Variants in IBTK observed in about 807,000 individuals in gnomAD.
The protein encoded by IBTK is BTK-binding protein.
A neutral mutation model predicts 154.9 loss-of-function variants in IBTK; 83 were observed. The ratio of observed to expected loss-of-function variants is 0.54; its 90% CI spans 0.45 to 0.64. The LOEUF is 0.64. IBTK is among the 30% of genes least tolerant of loss of function. The probability of loss-of-function intolerance (pLI) is 0.00; values close to 1 mark genes in which losing one functional copy is unlikely to be tolerated. For missense variants in IBTK, 1,332 were observed against 1,584.6 expected, an observed-to-expected ratio of 0.84 and a Z score of 2.71; for synonymous variants, 515 against 536.1, an observed-to-expected ratio of 0.96 and a Z score of 0.54.
chr6:82,242,558 T>C (rs2127830696), intron 1 of IBTK, among the ~76,000 whole-genome samples: 1 of 152,264 alleles, frequency 6.6e-6, no homozygotes. Flanking sequence ...TACTAATACA[T>C]TCTGTAATTT....
intron 16 of IBTK, among the ~76,000 whole-genome samples, chr6:82,208,824 T>C (rs118002120): frequency 5.6e-4 from 85 of 152,094 alleles, no homozygotes; most frequent in Middle Eastern, 3.4e-3. Context: ...GGAGAGAAAA[T>C]ACTTGCAAAT....
chr6:82,237,653 ATAGTAGTGGTAG>A (rs1419313018), intron 2 of IBTK, among the ~76,000 whole-genome samples: 12 of 36,610 alleles, frequency 3.3e-4, no homozygotes, highest in East Asian at 0.01. Flanking sequence ...GTAGTAGAAG[ATAGTAGTGGTAG>A]TAGTAGTAGT....
In IBTK at chr6:82,171,717, A is replaced by T. The variant is rs145073081; in HGVS notation, c.3931-161T>A. Among the ~76,000 whole-genome samples, 463 of 152,330 alleles carry T rather than the reference A, an allele frequency of 3.0e-3. 2 individuals are homozygous for T. Among genetic ancestry groups the T allele is most frequent in the Non-Finnish European group, 5.0e-3 (340 of 68,026 alleles). ...TGCATTTTAAATCAGGTATCCTGCT[A>T]TCTCTGTGGCAAGGAGAAAGCTTGA... On this transcript the variant is annotated intron_variant, in intron 28 of 28. Transcript: ENST00000306270.
At chr6:82,224,000 AAAAAG>A (rs1290740773) in intron 7 of IBTK, 63 bp downstream of exon 7, 4 of 902,676 alleles carry the variant, frequency 4.4e-6, no homozygotes, top group Non-Finnish European at 7.1e-6. Flanking sequence ...AATAAAAATT[AAAAAG>A]AAAAGATAAT....
At chr6:82,209,742 A>G (rs1769555615) in intron 16 of IBTK, among the ~76,000 whole-genome samples, 1 of 152,238 alleles carries the variant, frequency 6.6e-6, no homozygotes, top group Admixed American at 6.5e-5. Context: ...TTTTAAAAAG[A>G]ATGAAAGTAG....
chr6:82,220,125 G>A (rs746339226), intron 9 of IBTK, among the ~76,000 whole-genome samples: 3 of 152,076 alleles, frequency 2.0e-5, no homozygotes, highest in South Asian at 2.1e-4. Flanking sequence ...CATGAGAATC[G>A]CCTGAACCCA....
intron 12 of IBTK, among the ~76,000 whole-genome samples, chr6:82,213,274 C>T (rs2127814481): frequency 6.6e-6 from 1 of 152,248 alleles, no homozygotes; most frequent in South Asian, 2.1e-4. Flanking sequence ...GGAGATCTGC[C>T]CACCTCAGCC....
chr6:82,233,280 T>A (rs1244937597), intron 3 of IBTK, among the ~76,000 whole-genome samples: 2 of 152,156 alleles, frequency 1.3e-5, no homozygotes, highest in African/African-American at 4.8e-5. Flanking sequence ...TGAGCCGTGT[T>A]CTTGCCACTG....
chr6:82,225,756 C>T lies in IBTK; in HGVS notation c.655-109G>A, dbSNP rs144464755. 9.1e-6 allele frequency: 7 copies of T among 769,764 alleles called. No individual in the cohort carries two copies. In the African/African-American group the frequency reaches 1.2e-4, roughly 14 times the overall value. The allele number at this position is 769,764 out of a possible 1,614,324, so 47.7% of individuals were successfully genotyped here. On this transcript the variant is annotated intron_variant, in intron 5 of 28. Transcript: ENST00000306270. ...ATGACATGAAATGACATGACTGATA[C>T]ATGGCTGTATCTATCATAGGTAAAT...
chr6:82,196,709 A>G lies in IBTK; in HGVS notation c.3026-263T>C, dbSNP rs1234266451. 3.3e-5 allele frequency among the ~76,000 whole-genome samples: 5 copies of G among 152,336 alleles called. No homozygotes were observed. In the East Asian group the frequency reaches 7.7e-4, roughly 23 times the overall value. On this transcript the variant is annotated intron_variant, in intron 21 of 28. Coordinates refer to ENST00000306270, the MANE Select transcript of IBTK (RefSeq NM_015525.4). ...CAATTGTGTAATGAACCTGAGGAAGATAGTTCTTTGGGATCTGCTCTAAAA... is the reference window on the plus strand; with the variant it reads ...CAATTGTGTAATGAACCTGAGGAAGGTAGTTCTTTGGGATCTGCTCTAAAA...
chr6:82,200,433 G>A (rs1769158764), intron 20 of IBTK, among the ~76,000 whole-genome samples, 154 bp downstream of exon 20: 1 of 151,962 alleles, frequency 6.6e-6, no homozygotes, highest in African/African-American at 2.4e-5. Context: ...TTAAGAATGA[G>A]CGTAACTACC....
At chr6:82,243,986 G>A (rs1248643973) in intron 1 of IBTK, among the ~76,000 whole-genome samples, 2 of 152,124 alleles carry the variant, frequency 1.3e-5, no homozygotes, top group Admixed American at 6.5e-5. Context: ...ACATGGAAGC[G>A]ATTAAGAGCT....
At chr6:82,218,872 C>A (rs1474722849) in intron 9 of IBTK, among the ~76,000 whole-genome samples, 1 of 152,144 alleles carries the variant, frequency 6.6e-6, no homozygotes, top group African/African-American at 2.4e-5. Context: ...GGTTATCTGA[C>A]AAGGTCGCTA....
chr6:82,201,390 T>G, intron 19 of IBTK, 32 bp downstream of exon 19: 1 of 1,520,850 alleles, frequency 6.6e-7, no homozygotes, highest in South Asian at 1.2e-5. Flanking sequence ...GGTAATATTA[T>G]AGCCGCGAAA....
In IBTK at chr6:82,200,609, T is replaced by C; in HGVS notation, c.2890A>G (p.Ile964Val). 6.4e-7 allele frequency: 1 copy of C among 1,574,584 alleles called. No individual in the cohort carries two copies. Among genetic ancestry groups the C allele is most frequent in the Non-Finnish European group, 8.6e-7 (1 of 1,165,976 alleles). Residue 964 changes from isoleucine (I) to valine (V), a missense_variant, in exon 20 of 29, where the codon ATA (isoleucine) becomes GTA (valine). Ile to Val is a conservative substitution (Grantham distance 29). This residue lies in a region of IBTK where 1,134 missense variants were observed against 1,274.7 expected (regional missense o/e 0.89). Transcript: ENST00000306270. ...TACGAATGATTTTGTTCCATATTTA[T>C]TTCTTCTTTCAAGAAGATATCTCCA... is the stretch of plus-strand genomic sequence containing the variant. ...EDGDIFLKEEINMEQNHSETM... is the reference protein window; with the variant it reads ...EDGDIFLKEEVNMEQNHSETM...
At chr6:82,228,948 C>T (rs1770398718) in intron 4 of IBTK, among the ~76,000 whole-genome samples, 1 of 152,060 alleles carries the variant, frequency 6.6e-6, no homozygotes, top group African/African-American at 2.4e-5. Context: ...TAAATAAGAA[C>T]TGAGCATGGA....
intron 4 of IBTK, among the ~76,000 whole-genome samples, chr6:82,231,301 T>A (rs1770494064): frequency 6.8e-6 from 1 of 146,448 alleles, no homozygotes. Context: ...TTATTTTATT[T>A]TTTAATGCCA....
chr6:82,177,566 C>A (rs1043772500), intron 26 of IBTK, among the ~76,000 whole-genome samples: 1 of 152,120 alleles, frequency 6.6e-6, no homozygotes, highest in African/African-American at 2.4e-5. Flanking sequence ...GCATGTGCCA[C>A]CCCTGGCCCG....
intron 4 of IBTK, among the ~76,000 whole-genome samples, chr6:82,230,852 G>A (rs1770476733): frequency 6.6e-6 from 1 of 152,012 alleles, no homozygotes; most frequent in Admixed American, 6.6e-5. Flanking sequence ...GCATTGTAAG[G>A]ATATAAGACC....
Sources: allele counts gnomAD v4.1 joint callset (sites outside exome capture counted in the v4.1 genomes callset), GRCh38; gene constraint gnomAD v4.1.1; regional missense constraint gnomAD v4.1.1; transcripts MANE v1.5; gene names NCBI Gene and HGNC (gene_info 2026-07-23, HGNC 2026-07-21).